SMPD3: variants seen among roughly 807,000 people sequenced by gnomAD.
The protein encoded by SMPD3 is nSMase-2.
Under a neutral mutation model 55.7 loss-of-function variants are expected in SMPD3, and 21 were observed. The ratio of observed to expected loss-of-function variants is 0.38; its 90% CI spans 0.27 to 0.54. The LOEUF is 0.54. Among genes scored for constraint, SMPD3 ranks in the 20% least tolerant of loss-of-function variants. The probability of loss-of-function intolerance (pLI) is 0.80; values close to 1 mark genes in which losing one functional copy is unlikely to be tolerated. For synonymous variants in SMPD3, 457 were observed against 404.3 expected (o/e 1.13, Z -1.56); for missense variants, 842 against 899.6 (o/e 0.94, Z 0.82).
intron 1 of SMPD3, among the ~76,000 whole-genome samples, chr16:68,387,132 G>A (rs1038223011): frequency 6.6e-6 from 1 of 152,112 alleles, no homozygotes; most frequent in African/African-American, 2.4e-5. Flanking sequence ...TGAGGGTAGG[G>A]GAGAGCTGAA....
chr16:68,359,750 C>G lies in SMPD3; in HGVS notation c.*1456G>C, dbSNP rs1349505872. 6.6e-6 allele frequency: 1 copy of G among 152,520 alleles called. No homozygotes were observed. Among genetic ancestry groups the G allele is most frequent in the African/African-American group, 2.4e-5 (1 of 41,450 alleles). The allele number at this position is 152,520 out of a possible 1,614,324, so 9.4% of individuals were successfully genotyped here. On this transcript the variant is annotated 3_prime_UTR_variant, in exon 9 of 9. Transcript: ENST00000219334. ...GCGGGGATTGTCAAAAACAGTCCCTCAAGTTGAGTCTCGAACTTTGAAACA... is the reference window on the plus strand; with the variant it reads ...GCGGGGATTGTCAAAAACAGTCCCTGAAGTTGAGTCTCGAACTTTGAAACA...
At chr16:68,422,822 A>T (rs886463935) in intron 1 of SMPD3, among the ~76,000 whole-genome samples, 1 of 152,024 alleles carries the variant, frequency 6.6e-6, no homozygotes, top group Non-Finnish European at 1.5e-5. Context: ...GCTGGGCTGC[A>T]CTGGTTCCTT....
intron 1 of SMPD3, among the ~76,000 whole-genome samples, chr16:68,433,811 A>G (rs897563377): frequency 1.3e-5 from 2 of 151,650 alleles, no homozygotes; most frequent in Non-Finnish European, 2.9e-5. Context: ...ATGTTCTCAA[A>G]TCTTGGAAAT....
chr16:68,365,533 CCT>C (rs1288600064), intron 3 of SMPD3, among the ~76,000 whole-genome samples: 1 of 152,068 alleles, frequency 6.6e-6, no homozygotes, highest in Non-Finnish European at 1.5e-5. Flanking sequence ...GGGGGTTGCC[CCT>C]GTGCCATGGC....
At chr16:68,378,578 C>A (rs1002174712) in intron 2 of SMPD3, among the ~76,000 whole-genome samples, 3 of 152,174 alleles carry the variant, frequency 2.0e-5, no homozygotes, top group East Asian at 3.9e-4. Context: ...CCCCCCCACC[C>A]CCTCAGTCTG....
intron 2 of SMPD3, among the ~76,000 whole-genome samples, chr16:68,378,510 TC>T (rs1567791075): frequency 1.3e-5 from 2 of 152,068 alleles, no homozygotes. Context: ...TGCCTGTTCA[TC>T]CATCTAGATC....
chr16:68,431,225 G>A (rs1006305541), intron 1 of SMPD3, among the ~76,000 whole-genome samples: 15 of 152,196 alleles, frequency 9.9e-5, no homozygotes, highest in African/African-American at 3.4e-4. Flanking sequence ...GTGATGACAT[G>A]CTTGGTTCTG....
At chr16:68,423,635 A>G (rs1448787179) in intron 1 of SMPD3, among the ~76,000 whole-genome samples, 2 of 152,168 alleles carry the variant, frequency 1.3e-5, no homozygotes, top group African/African-American at 4.8e-5. Flanking sequence ...AGCAATAGAA[A>G]ATGAACTAAG....
At chr16:68,427,377 A>G (rs1051584047) in intron 1 of SMPD3, among the ~76,000 whole-genome samples, 3 of 152,208 alleles carry the variant, frequency 2.0e-5, no homozygotes, top group Non-Finnish European at 4.4e-5. Flanking sequence ...GACGGCAAGG[A>G]AGAACTGGGA....
intron 1 of SMPD3, among the ~76,000 whole-genome samples, chr16:68,416,334 T>C (rs955894928): frequency 6.6e-6 from 1 of 152,192 alleles, no homozygotes; most frequent in Non-Finnish European, 1.5e-5. Flanking sequence ...TGTGAGCCCC[T>C]TCCCATCTCC....
At chr16:68,406,892 A>G (rs558512129) in intron 1 of SMPD3, among the ~76,000 whole-genome samples, 13 of 152,300 alleles carry the variant, frequency 8.5e-5, no homozygotes, top group African/African-American at 2.9e-4. Context: ...AGCTGGCAGG[A>G]ATGAAAAATC....
intron 1 of SMPD3, among the ~76,000 whole-genome samples, chr16:68,444,119 T>C (rs1287967327): frequency 6.6e-6 from 1 of 152,264 alleles, no homozygotes; most frequent in Non-Finnish European, 1.5e-5. Flanking sequence ...ACCACAGCTC[T>C]GTTTCCTCCT....
intron 1 of SMPD3, among the ~76,000 whole-genome samples, chr16:68,419,242 G>A (rs2090366460): frequency 6.6e-6 from 1 of 152,210 alleles, no homozygotes. Context: ...CCACCAATGA[G>A]ACAGGAAGAA....
intron 1 of SMPD3, among the ~76,000 whole-genome samples, chr16:68,431,148 T>C (rs906844995): frequency 2.6e-5 from 4 of 152,070 alleles, no homozygotes; most frequent in Admixed American, 6.5e-5. Context: ...TTACTTGAGA[T>C]TGTAACTGGC....
chr16:68,416,602 C>T (rs1001327914), intron 1 of SMPD3, among the ~76,000 whole-genome samples: 1 of 152,236 alleles, frequency 6.6e-6, no homozygotes, highest in African/African-American at 2.4e-5. Flanking sequence ...AACAGTTTAC[C>T]TTGGCAGGTT....
At chr16:68,392,181 T>G (rs937395379) in intron 1 of SMPD3, among the ~76,000 whole-genome samples, 3 of 152,240 alleles carry the variant, frequency 2.0e-5, no homozygotes, top group Non-Finnish European at 4.4e-5. Context: ...CATAAGCCAC[T>G]GTGCCTGGCC....
chr16:68,400,369 T>TA lies in SMPD3; in HGVS notation c.-268-13711_-268-13710insT, dbSNP rs201465833. ...TGTAATTTTAAACGATAATTATGGA[T>TA]TAGCTTGGTGACCATCAGGCCCTTC... On this transcript the variant is annotated intron_variant, in intron 1 of 8. Transcript: ENST00000219334. Among the ~76,000 whole-genome samples the TA allele has an allele frequency of 6.0e-4, 92 of 152,296 alleles. 1 individual carries two copies. The East Asian group carries it at 0.017, about 28-fold the overall frequency.
At chr16:68,390,808 G>C (rs1331566730) in intron 1 of SMPD3, among the ~76,000 whole-genome samples, 1 of 152,228 alleles carries the variant, frequency 6.6e-6, no homozygotes, top group African/African-American at 2.4e-5. Context: ...AGGGTGCCAT[G>C]GTTGGACAGG....
chr16:68,371,887 G>A lies in SMPD3; in HGVS notation c.295C>T (p.Arg99Trp), dbSNP rs761087059. 84 of 1,610,060 alleles carry A rather than the reference G, an allele frequency of 5.2e-5. No homozygotes were observed. Among genetic ancestry groups the A allele is most frequent in the African/African-American group, 2.7e-5 (2 of 74,932 alleles). Reference sequence around the variant, plus strand: ...CCGGCCAGGCCCTTGTCTTCCAGCCGTGAATAGATGTAGGGCCGGCGGGCC... The same window carrying A: ...CCGGCCAGGCCCTTGTCTTCCAGCCATGAATAGATGTAGGGCCGGCGGGCC... ...QSARRPYIYS[R>W]LEDKGLAGGA... Residue 99 changes from arginine to tryptophan, a missense_variant, in exon 3 of 9, where the codon CGG becomes TGG. Transcript: ENST00000219334.
Sources: allele counts gnomAD v4.1 joint callset (sites outside exome capture counted in the v4.1 genomes callset), GRCh38; gene constraint gnomAD v4.1.1; transcripts MANE v1.5; gene names NCBI Gene and HGNC (gene_info 2026-07-23, HGNC 2026-07-21).